The following GRIK4 variants were observed in gnomAD, a reference collection of about 807,000 sequenced individuals.
The protein encoded by GRIK4 is glutamate ionotropic receptor kainate type subunit 4.
Under a neutral mutation model 104.9 loss-of-function variants are expected in GRIK4, and 40 were observed. The observed-to-expected ratio is 0.38, with a 90% CI of 0.30 to 0.50. The LOEUF is 0.50. Ranked by LOEUF, GRIK4 falls within the 20% of genes least tolerant of loss-of-function variation. The probability of loss-of-function intolerance (pLI) is 0.93; values close to 1 mark genes in which losing one functional copy is unlikely to be tolerated. For synonymous variants in GRIK4, 485 were observed against 524.9 expected, an observed-to-expected ratio of 0.92 and a Z score of 1.04; for missense variants, 1,047 against 1,308.1, an observed-to-expected ratio of 0.80 and a Z score of 3.08.
In GRIK4 at chr11:120,511,841, G is replaced by A; in HGVS notation, c.-205G>A. 8.5e-6 allele frequency: 3 copies of A among 352,064 alleles called. No homozygotes were observed. Among genetic ancestry groups the A allele is most frequent in the South Asian group, 1.9e-5 (1 of 52,728 alleles). The allele number at this position is 352,064 out of a possible 1,614,324, so 21.8% of individuals were successfully genotyped here. Reference sequence around the variant, plus strand: ...CAACAGCAGCCCCGCGGCCGGCCCGGCAGCGCCCGGCCCCCGGCTCAGCCC... The same window carrying A: ...CAACAGCAGCCCCGCGGCCGGCCCGACAGCGCCCGGCCCCCGGCTCAGCCC... On this transcript the variant is annotated 5_prime_UTR_variant, in exon 1 of 21. Transcript: ENST00000527524.
intron 18 of GRIK4, chr11:120,962,951 A>G (rs1944317826): frequency 3.1e-6 from 1 of 327,414 alleles, no homozygotes; most frequent in Admixed American, 4.6e-5. Flanking sequence ...AAGGGCTAAT[A>G]GTAATTATTA....
intron 1 of GRIK4, among the ~76,000 whole-genome samples, chr11:120,628,800 G>GT (rs1439900048): frequency 2.6e-5 from 4 of 152,170 alleles, no homozygotes; most frequent in Non-Finnish European, 5.9e-5. Context: ...TCAGTTCTCT[G>GT]TTTTTTCTTA....
chr11:120,567,002 G>T (rs1176634549), intron 1 of GRIK4, among the ~76,000 whole-genome samples: 1 of 124,094 alleles, frequency 8.1e-6, no homozygotes, highest in Non-Finnish European at 1.6e-5. Context: ...TTTGAGACAA[G>T]GTCTTGTTGT....
chr11:120,893,567 A>C (rs768495529), intron 11 of GRIK4, among the ~76,000 whole-genome samples: 1 of 152,192 alleles, frequency 6.6e-6, no homozygotes, highest in Non-Finnish European at 1.5e-5. Flanking sequence ...GGGGGTGGGA[A>C]TGGGATTAGT....
At position 120,787,852 on chromosome 11, in the gene GRIK4, C is replaced by CTTTTTTTT. The variant is rs58523604; in HGVS notation, c.83-14819_83-14812dup. On this transcript the variant is annotated intron_variant, in intron 3 of 20. Transcript: ENST00000527524. ...TTTCTTCTCTTTTTTCTTTTCTTTT[C>CTTTTTTTT]TTTTTTTTTTTTTTTTTTTTTTTTT... 5.6e-3 allele frequency among the ~76,000 whole-genome samples: 435 copies of CTTTTTTTT among 77,086 alleles called. 48 individuals are homozygous for CTTTTTTTT. Among genetic ancestry groups the CTTTTTTTT allele is most frequent in the African/African-American group, 0.015 (235 of 16,206 alleles). 50.6% of individuals were successfully genotyped at this position (77,086 alleles called of 152,430 possible).
chr11:120,592,537 CT>C (rs1268719747), intron 1 of GRIK4, among the ~76,000 whole-genome samples: 1 of 152,170 alleles, frequency 6.6e-6, no homozygotes, highest in African/African-American at 2.4e-5. Context: ...ATGCAGGGGG[CT>C]TTTGAGATTT....
At chr11:120,516,198 C>T (rs1189707550) in intron 1 of GRIK4, among the ~76,000 whole-genome samples, 1 of 152,184 alleles carries the variant, frequency 6.6e-6, no homozygotes, top group East Asian at 1.9e-4. Context: ...CCTTCTCTCC[C>T]ACAGGGTGAT....
chr11:120,691,279 G>A (rs934026166), intron 3 of GRIK4, among the ~76,000 whole-genome samples: 1 of 152,182 alleles, frequency 6.6e-6, no homozygotes, highest in Non-Finnish European at 1.5e-5. Context: ...GGGAGACATT[G>A]AGAGCTCAGA....
At chr11:120,791,885 C>T (rs777159090) in intron 3 of GRIK4, among the ~76,000 whole-genome samples, 1 of 151,990 alleles carries the variant, frequency 6.6e-6, no homozygotes, top group South Asian at 2.1e-4. Flanking sequence ...CACAAATGCA[C>T]GGGTCAAAGT....
At chr11:120,859,418 GA>G (rs1257161350) in intron 8 of GRIK4, 1 of 152,238 alleles carries the variant, frequency 6.6e-6, no homozygotes, top group East Asian at 1.9e-4. Flanking sequence ...ACCAAAGCCT[GA>G]ATCCACTATA....
intron 3 of GRIK4, among the ~76,000 whole-genome samples, chr11:120,783,430 C>T (rs920391302): frequency 2.6e-5 from 4 of 152,104 alleles, no homozygotes; most frequent in Admixed American, 6.6e-5. Flanking sequence ...CCTTCCTTCT[C>T]GCCTTCCCTG....
chr11:120,976,901 G>A lies in GRIK4; in HGVS notation c.2396-5205G>A, dbSNP rs546218720. Reference sequence around the variant, plus strand: ...CAGTGGTTCGTGGAGATATGTGAGTGTTTTAAGGGCTAGGACATGAGTGTA... The same window carrying A: ...CAGTGGTTCGTGGAGATATGTGAGTATTTTAAGGGCTAGGACATGAGTGTA... On this transcript the variant is annotated intron_variant, in intron 19 of 20. Coordinates refer to ENST00000527524, the MANE Select transcript of GRIK4 (RefSeq NM_014619.5). Among the ~76,000 whole-genome samples the A allele has an allele frequency of 5.3e-5, 8 of 152,272 alleles. No individual in the cohort carries two copies. The East Asian group carries it at 1.4e-3, about 26-fold the overall frequency.
At chr11:120,560,744 T>C (rs1948230749) in intron 1 of GRIK4, among the ~76,000 whole-genome samples, 1 of 152,234 alleles carries the variant, frequency 6.6e-6, no homozygotes, top group Admixed American at 6.5e-5. Flanking sequence ...GTTGTGAGGA[T>C]TAAATGAGAT....
intron 1 of GRIK4, among the ~76,000 whole-genome samples, chr11:120,593,838 C>T (rs1049048366): frequency 4.6e-5 from 7 of 152,168 alleles, no homozygotes; most frequent in Non-Finnish European, 1.0e-4. Context: ...CAATTGTCCA[C>T]CAGTTTACAA....
intron 13 of GRIK4, among the ~76,000 whole-genome samples, chr11:120,935,940 A>C (rs1943587015): frequency 6.6e-6 from 1 of 152,286 alleles, no homozygotes; most frequent in South Asian, 2.1e-4. Context: ...CTTACATTTT[A>C]CTTATTTTCT....
chr11:120,553,096 C>T (rs1457581100), intron 1 of GRIK4, among the ~76,000 whole-genome samples: 1 of 151,902 alleles, frequency 6.6e-6, no homozygotes, highest in Non-Finnish European at 1.5e-5. Flanking sequence ...TTATGCATCT[C>T]CAGTTACCTT....
intron 1 of GRIK4, among the ~76,000 whole-genome samples, chr11:120,594,584 C>T (rs928283263): frequency 6.6e-6 from 1 of 152,234 alleles, no homozygotes; most frequent in Non-Finnish European, 1.5e-5. Context: ...ATTCTCCAGC[C>T]TCCTCTTGCA....
intron 3 of GRIK4, among the ~76,000 whole-genome samples, chr11:120,784,624 C>G (rs1952227846): frequency 6.6e-6 from 1 of 152,112 alleles, no homozygotes; most frequent in Admixed American, 6.5e-5. Flanking sequence ...GTCACCCTGT[C>G]TAGAATCAGG....
At chr11:120,672,708 G>T (rs1950040683) in intron 3 of GRIK4, among the ~76,000 whole-genome samples, 1 of 149,406 alleles carries the variant, frequency 6.7e-6, no homozygotes, top group Non-Finnish European at 1.5e-5. Flanking sequence ...ATGCGAGTTT[G>T]CTCGTGATTT....
Sources: allele counts gnomAD v4.1 joint callset (sites outside exome capture counted in the v4.1 genomes callset), GRCh38; gene constraint gnomAD v4.1.1; transcripts MANE v1.5; gene names NCBI Gene and HGNC (gene_info 2026-07-23, HGNC 2026-07-21).